Variants in ADORA2B observed in about 807,000 individuals in gnomAD.
ADORA2B encodes adenosine A2b receptor.
A neutral mutation model predicts 20.8 loss-of-function variants in ADORA2B; 18 were observed. That is an observed-to-expected ratio of 0.87 (90% CI 0.60 to 1.29). ADORA2B has a LOEUF of 1.29. ADORA2B is among the 50% of genes most tolerant of loss of function. The pLI, the probability that ADORA2B is intolerant of heterozygous loss-of-function variation, is 0.00. For missense variants in ADORA2B, 441 were observed against 422.7 expected (o/e 1.04, Z -0.38); for synonymous variants, 179 against 178.3 (o/e 1.00, Z -0.03).
At chr17:15,867,609 G>A in the ADORA2B span, among the ~76,000 whole-genome samples, 3 of 148,016 alleles carry the variant, frequency 2.0e-5, no homozygotes, top group South Asian at 2.1e-4. Context: ...CCACCCCGTC[G>A]GGAAGGGAGG....
At chr17:15,960,925 T>C (rs953427082) in intron 1 of ADORA2B, among the ~76,000 whole-genome samples, 53 of 148,604 alleles carry the variant, frequency 3.6e-4, no homozygotes, top group African/African-American at 1.3e-3. Context: ...CCCAGCACTT[T>C]GGGAGGCCGA....
chr17:15,950,164 T>G (rs1969879038), intron 1 of ADORA2B, among the ~76,000 whole-genome samples: 1 of 152,238 alleles, frequency 6.6e-6, no homozygotes, highest in African/African-American at 2.4e-5. Context: ...GGCGGCCTCT[T>G]AATGCATTTG....
chr17:15,893,860 T>C, the ADORA2B span, among the ~76,000 whole-genome samples: 2 of 152,246 alleles, frequency 1.3e-5, no homozygotes, highest in South Asian at 4.1e-4. Flanking sequence ...AGATTTTCCC[T>C]GTTAAGGGCC....
At chr17:15,898,873 A>G in the ADORA2B span, among the ~76,000 whole-genome samples, 2 of 152,174 alleles carry the variant, frequency 1.3e-5, no homozygotes, top group African/African-American at 4.8e-5. Flanking sequence ...GCTTATTCCA[A>G]CAACGAAATA....
chr17:15,972,264 C>T (rs910807675), intron 1 of ADORA2B, among the ~76,000 whole-genome samples: 2 of 152,134 alleles, frequency 1.3e-5, no homozygotes, highest in Non-Finnish European at 2.9e-5. Context: ...GGGGGTTCTG[C>T]GGCCATGCTG....
chr17:15,936,877 G>A, the ADORA2B span, among the ~76,000 whole-genome samples: 1 of 152,134 alleles, frequency 6.6e-6, no homozygotes, highest in Non-Finnish European at 1.5e-5. Flanking sequence ...GATCACTGGA[G>A]CCCAGGAGTT....
chr17:15,973,141 T>C (rs1310278777), intron 1 of ADORA2B, among the ~76,000 whole-genome samples: 1 of 152,232 alleles, frequency 6.6e-6, no homozygotes, highest in Non-Finnish European at 1.5e-5. Flanking sequence ...ATTCTGCCCA[T>C]AGTCCTAGGC....
At chr17:15,881,664 G>A in the ADORA2B span, among the ~76,000 whole-genome samples, 5 of 152,190 alleles carry the variant, frequency 3.3e-5, no homozygotes, top group African/African-American at 7.2e-5. Flanking sequence ...CCTCATAGAC[G>A]TGGACTCACA....
At chr17:15,967,515 G>GC (rs1203613175) in intron 1 of ADORA2B, among the ~76,000 whole-genome samples, 14 of 152,132 alleles carry the variant, frequency 9.2e-5, no homozygotes, top group Admixed American at 9.2e-4. Flanking sequence ...ACAGGCGTGA[G>GC]CCACCGCGCC....
chr17:15,865,262 TTTG>T, the ADORA2B span, among the ~76,000 whole-genome samples: 25 of 152,240 alleles, frequency 1.6e-4, no homozygotes, highest in South Asian at 3.1e-3. Flanking sequence ...TAGTGTTTTT[TTTG>T]TTGTTGTTGT....
chr17:15,954,563 A>G (rs1567778795), intron 1 of ADORA2B, among the ~76,000 whole-genome samples: 1 of 152,156 alleles, frequency 6.6e-6, no homozygotes, highest in East Asian at 1.9e-4. Flanking sequence ...AGGATTTCAT[A>G]TTTGTTAGAC....
chr17:15,863,254 A>G, the ADORA2B span, among the ~76,000 whole-genome samples: 4 of 152,052 alleles, frequency 2.6e-5, no homozygotes, highest in African/African-American at 9.7e-5. Flanking sequence ...AGTAAAATCA[A>G]TTTATTTCAA....
At chr17:15,966,541 G>T (rs543709577) in intron 1 of ADORA2B, among the ~76,000 whole-genome samples, 1 of 152,362 alleles carries the variant, frequency 6.6e-6, no homozygotes, top group South Asian at 2.1e-4. Flanking sequence ...GCCAGTGCTT[G>T]TTATGCAGGC....
At chr17:15,959,039 C>T (rs536216490) in intron 1 of ADORA2B, among the ~76,000 whole-genome samples, 4 of 152,064 alleles carry the variant, frequency 2.6e-5, no homozygotes, top group Non-Finnish European at 5.9e-5. Flanking sequence ...AGCTCTGAAC[C>T]GATGAGCTTG....
chr17:15,878,482 T>G, the ADORA2B span, among the ~76,000 whole-genome samples: 1 of 152,248 alleles, frequency 6.6e-6, no homozygotes, highest in East Asian at 1.9e-4. Flanking sequence ...TGCTGTGATA[T>G]GCATTGTCGT....
the ADORA2B span, among the ~76,000 whole-genome samples, chr17:15,894,521 G>A: frequency 3.9e-5 from 6 of 152,226 alleles, no homozygotes; most frequent in East Asian, 1.2e-3. Flanking sequence ...GGGAGGCTGT[G>A]CTGATCCAGG....
chr17:15,955,877 C>T (rs1969960163), intron 1 of ADORA2B, among the ~76,000 whole-genome samples: 1 of 151,448 alleles, frequency 6.6e-6, no homozygotes, highest in Admixed American at 6.6e-5. Context: ...CACCACCACA[C>T]GTGGCTAATT....
the ADORA2B span, among the ~76,000 whole-genome samples, chr17:15,856,525 G>A: frequency 7.1e-3 from 1,076 of 152,102 alleles, 18 homozygotes; most frequent in African/African-American, 0.024. Flanking sequence ...ACAGGCAGAG[G>A]TTAGAACAGT....
the ADORA2B span, among the ~76,000 whole-genome samples, chr17:15,900,975 C>G: frequency 1.3e-5 from 2 of 152,120 alleles, no homozygotes; most frequent in Non-Finnish European, 2.9e-5. Context: ...ACGTGTGTCC[C>G]CAGGACTGCC....
Sources: gnomAD v4.1 joint callset for allele counts (sites outside exome capture counted in the v4.1 genomes callset) on GRCh38, gnomAD v4.1.1 for gene constraint, MANE v1.5 for transcripts, NCBI Gene and HGNC (gene_info 2026-07-23, HGNC 2026-07-21) for gene names.